Variants in SLC2A13 observed in about 807,000 individuals in gnomAD.
SLC2A13 encodes solute carrier family 2 member 13, also known as proton myo-inositol cotransporter.
SLC2A13 carries 32 observed loss-of-function variants against 64.4 expected under a neutral mutation model. The observed-to-expected ratio is 0.50, with a 90% CI of 0.37 to 0.67. The LOEUF (loss-of-function observed/expected upper bound fraction) is 0.67. Among genes scored for constraint, SLC2A13 ranks in the 30% least tolerant of loss-of-function variants. The pLI is 0.00. For synonymous variants in SLC2A13, 338 were observed against 327.1 expected (o/e 1.03, Z -0.36); for missense variants, 743 against 829.2 (o/e 0.90, Z 1.28).
At chr12:39,761,036 C>CAA (rs1221003835) in intron 9 of SLC2A13, among the ~76,000 whole-genome samples, 2 of 137,586 alleles carry the variant, frequency 1.5e-5, no homozygotes, top group Admixed American at 7.6e-5. Flanking sequence ...TGGAAAACAA[C>CAA]AAAGTAAAAT....
intron 9 of SLC2A13, among the ~76,000 whole-genome samples, chr12:39,763,015 T>G (rs1011598058): frequency 6.6e-6 from 1 of 152,078 alleles, no homozygotes; most frequent in Non-Finnish European, 1.5e-5. Flanking sequence ...GTCTATGCCT[T>G]TCTATGAAAA....
intron 3 of SLC2A13, among the ~76,000 whole-genome samples, chr12:39,956,711 C>T (rs7138078): frequency 0.1 from 15,593 of 152,148 alleles, 861 homozygotes; most frequent in Non-Finnish European, 0.13. Flanking sequence ...CCCCTTAACA[C>T]CTCTTCAAGG....
intron 7 of SLC2A13, among the ~76,000 whole-genome samples, chr12:39,773,634 T>C (rs1232611562): frequency 6.6e-6 from 1 of 152,264 alleles, no homozygotes; most frequent in Non-Finnish European, 1.5e-5. Flanking sequence ...ATAAGTAGTA[T>C]ATTCCTTGCT....
chr12:40,013,622 A>G (rs1475249169), intron 3 of SLC2A13, among the ~76,000 whole-genome samples: 1 of 152,194 alleles, frequency 6.6e-6, no homozygotes, highest in Non-Finnish European at 1.5e-5. Flanking sequence ...CACAAGAACC[A>G]CTATCTAAAT....
At chr12:39,852,686 A>G (rs1299723229) in intron 6 of SLC2A13, among the ~76,000 whole-genome samples, 3 of 152,204 alleles carry the variant, frequency 2.0e-5, no homozygotes, top group African/African-American at 7.2e-5. Flanking sequence ...CGCTCAAGGA[A>G]CAAAAGGATC....
At chr12:39,858,333 A>G (rs1332997426) in intron 6 of SLC2A13, among the ~76,000 whole-genome samples, 2 of 152,214 alleles carry the variant, frequency 1.3e-5, no homozygotes, top group Non-Finnish European at 2.9e-5. Flanking sequence ...GATATTAGTA[A>G]CACATACAAC....
At chr12:40,080,096 A>T (rs996085117) in intron 1 of SLC2A13, among the ~76,000 whole-genome samples, 1 of 152,162 alleles carries the variant, frequency 6.6e-6, no homozygotes, top group Non-Finnish European at 1.5e-5. Flanking sequence ...TTCTGACCTC[A>T]GGTGATCTGC....
chr12:39,951,046 A>G (rs2136100811), intron 4 of SLC2A13: 1 of 436,252 alleles, frequency 2.3e-6, no homozygotes. Context: ...AATAAAGCCA[A>G]TCATATAACA....
intron 1 of SLC2A13, among the ~76,000 whole-genome samples, chr12:40,079,391 G>A (rs1938304675): frequency 6.6e-6 from 1 of 152,136 alleles, no homozygotes; most frequent in African/African-American, 2.4e-5. Flanking sequence ...TCAGGGACAG[G>A]TTAATTTCCA....
chr12:39,788,840 G>T (rs1941279203), intron 7 of SLC2A13, among the ~76,000 whole-genome samples: 1 of 152,088 alleles, frequency 6.6e-6, no homozygotes, highest in Non-Finnish European at 1.5e-5. Context: ...TAAATTTCCA[G>T]ACTCAAACTT....
At chr12:39,779,526 T>A (rs911371856) in intron 7 of SLC2A13, among the ~76,000 whole-genome samples, 1 of 152,240 alleles carries the variant, frequency 6.6e-6, no homozygotes, top group Non-Finnish European at 1.5e-5. Flanking sequence ...CACAACATTT[T>A]ACACATAGTC....
At chr12:40,072,442 T>C (rs977180685) in intron 1 of SLC2A13, among the ~76,000 whole-genome samples, 11 of 152,156 alleles carry the variant, frequency 7.2e-5, no homozygotes, top group African/African-American at 2.4e-4. Flanking sequence ...ATGTCTGTAC[T>C]GATTTTCTGC....
intron 4 of SLC2A13, among the ~76,000 whole-genome samples, chr12:39,910,603 G>A (rs910676177): frequency 1.3e-5 from 2 of 152,000 alleles, no homozygotes; most frequent in Non-Finnish European, 2.9e-5. Context: ...AACAGCCTTG[G>A]GAACCCACAG....
At chr12:39,997,764 G>A (rs1017273693) in intron 3 of SLC2A13, among the ~76,000 whole-genome samples, 11 of 152,158 alleles carry the variant, frequency 7.2e-5, no homozygotes, top group Non-Finnish European at 1.2e-4. Flanking sequence ...CTGGGAGGCG[G>A]AGTTTGCGGT....
At chr12:40,063,793 C>G (rs1469227998) in intron 1 of SLC2A13, among the ~76,000 whole-genome samples, 2 of 152,048 alleles carry the variant, frequency 1.3e-5, no homozygotes, top group East Asian at 3.9e-4. Flanking sequence ...CAGCTTACCC[C>G]AGAAAAATGT....
At chr12:39,911,298 C>A (rs1281744335) in intron 4 of SLC2A13, among the ~76,000 whole-genome samples, 1 of 152,074 alleles carries the variant, frequency 6.6e-6, no homozygotes, top group Non-Finnish European at 1.5e-5. Flanking sequence ...CTTAAGTGAG[C>A]TGGCTTTGGA....
At chr12:39,898,434 T>C (rs537181306) in intron 4 of SLC2A13, among the ~76,000 whole-genome samples, 28 of 152,256 alleles carry the variant, frequency 1.8e-4, no homozygotes, top group African/African-American at 6.7e-4. Context: ...TAACCAGTGT[T>C]TGTGTGTCCA....
At chr12:39,957,703 TCTAA>T (rs1466010435) in intron 3 of SLC2A13, among the ~76,000 whole-genome samples, 1 of 152,206 alleles carries the variant, frequency 6.6e-6, no homozygotes, top group Non-Finnish European at 1.5e-5. Context: ...TTCACTCATC[TCTAA>T]CTGGCTCCCA....
chr12:39,979,019 A>T (rs1328066190), intron 3 of SLC2A13, among the ~76,000 whole-genome samples: 1 of 150,264 alleles, frequency 6.7e-6, no homozygotes, highest in Non-Finnish European at 1.5e-5. Context: ...CTGACCCCTG[A>T]CCCCCGAGCA....
Sources: allele counts gnomAD v4.1 joint callset (sites outside exome capture counted in the v4.1 genomes callset), GRCh38; gene constraint gnomAD v4.1.1; transcripts MANE v1.5; gene names NCBI Gene and HGNC (gene_info 2026-07-23, HGNC 2026-07-21).